Variants in CHST8 observed in about 807,000 individuals in gnomAD.
The protein encoded by CHST8 is GALNAC-4-ST1.
A neutral mutation model predicts 15.0 loss-of-function variants in CHST8; 10 were observed. The observed-to-expected ratio is 0.67, with a 90% CI of 0.41 to 1.13. The LOEUF (loss-of-function observed/expected upper bound fraction) is 1.13, where lower values mean the gene tolerates loss of function less well. CHST8 is among the 50% of genes most tolerant of loss of function. The pLI is 0.00. For synonymous variants in CHST8, 259 were observed against 256.6 expected (o/e 1.01, Z -0.09); for missense variants, 634 against 608.2 (o/e 1.04, Z -0.45).
chr19:33,750,145 G>T (rs1974386108), intron 3 of CHST8, among the ~76,000 whole-genome samples: 1 of 152,214 alleles, frequency 6.6e-6, no homozygotes, highest in Non-Finnish European at 1.5e-5. Flanking sequence ...CAAGAGAGGA[G>T]GGTGACCTAA....
At chr19:33,685,500 C>G (rs1169032227) in intron 2 of CHST8, among the ~76,000 whole-genome samples, 1 of 150,310 alleles carries the variant, frequency 6.7e-6, no homozygotes, top group Non-Finnish European at 1.5e-5. Flanking sequence ...CCTGAACCCT[C>G]CCTCTTCTCT....
intron 2 of CHST8, among the ~76,000 whole-genome samples, chr19:33,673,076 T>C (rs1035738694): frequency 2.0e-5 from 3 of 151,964 alleles, no homozygotes; most frequent in Non-Finnish European, 4.4e-5. Flanking sequence ...GGAGTAGGAG[T>C]CCAGATGTGG....
intron 1 of CHST8, among the ~76,000 whole-genome samples, chr19:33,625,148 C>A (rs527556524): frequency 6.6e-6 from 1 of 151,322 alleles, no homozygotes; most frequent in African/African-American, 2.4e-5. Flanking sequence ...TGCAATGTTG[C>A]GATCTCTGTT....
chr19:33,772,376 G>C lies in CHST8; in HGVS notation c.588G>C (p.Glu196Asp). ...VEDRHRVLYC[E>D]VPKAGCSNWK... ...ACCGCCACCGCGTGCTCTACTGCGA[G>C]GTGCCCAAGGCCGGCTGCTCCAATT... Residue 196 changes from glutamate to aspartate, a missense_variant, in exon 5 of 5, where the codon GAG becomes GAC. Glu to Asp is a conservative substitution (Grantham distance 45). Transcript: ENST00000650847. 1 of 1,608,938 alleles carries C rather than the reference G, an allele frequency of 6.2e-7. No homozygotes were observed. Among genetic ancestry groups the C allele is most frequent in the Non-Finnish European group, 8.5e-7 (1 of 1,179,482 alleles).
At chr19:33,649,534 C>T (rs1972406225) in intron 1 of CHST8, among the ~76,000 whole-genome samples, 1 of 152,182 alleles carries the variant, frequency 6.6e-6, no homozygotes, top group Admixed American at 6.5e-5. Flanking sequence ...TACGCATATT[C>T]AGCAAGTTAC....
At chr19:33,763,740 A>C (rs1255753702) in intron 3 of CHST8, among the ~76,000 whole-genome samples, 1 of 152,202 alleles carries the variant, frequency 6.6e-6, no homozygotes, top group Non-Finnish European at 1.5e-5. Context: ...TTTTGCATCT[A>C]ATTTGCATAT....
At position 33,772,205 on chromosome 19, in the gene CHST8, C is replaced by A. The variant is rs768636087; in HGVS notation, c.417C>A (p.Pro139=). 4.6e-5 allele frequency: 73 copies of A among 1,594,182 alleles called. No homozygotes were observed. In the African/African-American group the frequency reaches 7.1e-4, roughly 15 times the overall value. Reference sequence around the variant, plus strand: ...ACGCGCCCTTCATCCGGCCGGGACCCGGGACGCTGGATGGCCGCTGGGTCA... The same window carrying A: ...ACGCGCCCTTCATCCGGCCGGGACCAGGGACGCTGGATGGCCGCTGGGTCA... ...SSDAPFIRPG[P]GTLDGRWVSL... The change falls in exon 5 of 5, where the codon CCC becomes CCA. Residue 139 remains proline (P), a synonymous_variant. Transcript: ENST00000650847.
chr19:33,709,676 C>A (rs1473465137), intron 3 of CHST8, among the ~76,000 whole-genome samples: 2 of 151,338 alleles, frequency 1.3e-5, no homozygotes, highest in African/African-American at 4.9e-5. Flanking sequence ...CTTTATCTGG[C>A]TTTGCTATCA....
At chr19:33,755,743 G>A (rs150176252) in intron 3 of CHST8, among the ~76,000 whole-genome samples, 5 of 152,300 alleles carry the variant, frequency 3.3e-5, no homozygotes, top group African/African-American at 9.6e-5. Context: ...GGCTCTCTTC[G>A]TCCCGAGAGC....
rs1462040099 is a variant in CHST8, at chr19:33,650,527, T to C, written c.-163-17240T>C. On this transcript the variant is annotated intron_variant, in intron 1 of 4. Transcript: ENST00000650847. Reference sequence around the variant, plus strand: ...TTTTTCTTTTTCTTTTCTTTTTTTTTTTTTTTTTTTTTTTTTTTTTGAGAC... The same window carrying C: ...TTTTTCTTTTTCTTTTCTTTTTTTTCTTTTTTTTTTTTTTTTTTTTGAGAC... 5.3e-3 allele frequency among the ~76,000 whole-genome samples: 599 copies of C among 112,134 alleles called. 5 individuals are homozygous for C. Among genetic ancestry groups the C allele is most frequent in the African/African-American group, 9.4e-3 (262 of 27,996 alleles). 73.6% of individuals were successfully genotyped at this position (112,134 alleles called of 152,430 possible).
chr19:33,766,874 C>T (rs1386101267), intron 3 of CHST8, among the ~76,000 whole-genome samples: 2 of 152,202 alleles, frequency 1.3e-5, no homozygotes, highest in East Asian at 3.9e-4. Context: ...CCAGAAGCCC[C>T]GGGCACATGG....
At chr19:33,707,851 T>C (rs1973476593) in intron 3 of CHST8, among the ~76,000 whole-genome samples, 1 of 152,264 alleles carries the variant, frequency 6.6e-6, no homozygotes. Context: ...CTAAAATTGC[T>C]GTACCATTTT....
intron 1 of CHST8, among the ~76,000 whole-genome samples, chr19:33,664,237 C>T (rs951909958): frequency 6.6e-6 from 1 of 151,968 alleles, no homozygotes; most frequent in Non-Finnish European, 1.5e-5. Context: ...AACTGGGAAT[C>T]TATATGGTTT....
At chr19:33,714,965 C>G (rs980430840) in intron 3 of CHST8, among the ~76,000 whole-genome samples, 5 of 152,164 alleles carry the variant, frequency 3.3e-5, no homozygotes, top group South Asian at 2.1e-4. Flanking sequence ...TGCAGCCCAC[C>G]CTGAGAGATC....
rs150472372 is a variant in CHST8, at chr19:33,713,718, G to A, written c.130+24327G>A. On this transcript the variant is annotated intron_variant, in intron 3 of 4. Transcript: ENST00000650847. Reference sequence around the variant, plus strand: ...TAGGATTACAGGTACCTGCCACCACGCCCGGCTAATTTTTGTGTTTTTAGT... The same window carrying A: ...TAGGATTACAGGTACCTGCCACCACACCCGGCTAATTTTTGTGTTTTTAGT... Among the ~76,000 whole-genome samples the A allele has an allele frequency of 9.0e-3, 1,368 of 152,126 alleles. 22 individuals carry two copies. The highest frequency in any genetic ancestry group is 0.03 in the African/African-American group (1,241 of 41,492).
intron 3 of CHST8, among the ~76,000 whole-genome samples, chr19:33,705,620 C>T (rs981657314): frequency 3.3e-5 from 5 of 152,134 alleles, no homozygotes; most frequent in Middle Eastern, 3.2e-3. Context: ...GTGTGGGTGC[C>T]CGTGGGTGTA....
intron 1 of CHST8, among the ~76,000 whole-genome samples, chr19:33,624,807 C>T (rs1037118574): frequency 6.6e-5 from 10 of 152,158 alleles, no homozygotes; most frequent in Non-Finnish European, 1.0e-4. Flanking sequence ...ATTGCTGATG[C>T]GTCTGGCTGG....
intron 3 of CHST8, among the ~76,000 whole-genome samples, chr19:33,709,645 G>A (rs554869665): frequency 2.1e-3 from 314 of 151,624 alleles, no homozygotes; most frequent in Non-Finnish European, 3.6e-3. Flanking sequence ...TTGAGGGATA[G>A]TTGTAGTTTT....
intron 1 of CHST8, among the ~76,000 whole-genome samples, chr19:33,649,053 G>A (rs906950329): frequency 6.6e-6 from 1 of 151,640 alleles, no homozygotes; most frequent in South Asian, 2.1e-4. Context: ...ACAGGCGCCC[G>A]CAACTAAGCC....
Sources: allele counts gnomAD v4.1 joint callset (sites outside exome capture counted in the v4.1 genomes callset), GRCh38; gene constraint gnomAD v4.1.1; transcripts MANE v1.5; gene names NCBI Gene and HGNC (gene_info 2026-07-23, HGNC 2026-07-21).